Variants in SHROOM3 observed in about 807,000 individuals in gnomAD.
SHROOM3 encodes the protein shroom family member 3, also known as protein Shroom3.
Under a neutral mutation model 138.6 loss-of-function variants are expected in SHROOM3, and 47 were observed. That is an observed-to-expected ratio of 0.34 (90% CI 0.27 to 0.43). The LOEUF (loss-of-function observed/expected upper bound fraction) is 0.43, where lower values mean the gene tolerates loss of function less well. Ranked by LOEUF, SHROOM3 falls within the 20% of genes least tolerant of loss-of-function variation. The probability of loss-of-function intolerance (pLI) is 1.00; values close to 1 mark genes in which losing one functional copy is unlikely to be tolerated. For missense variants in SHROOM3, 2,491 were observed against 2,596.5 expected (o/e 0.96, Z 0.88); for synonymous variants, 1,062 against 1,063.3 (o/e 1.00, Z 0.02).
Position 76,581,833 on chromosome 4 carries a change from C to G in SHROOM3, c.323+26070C>G, listed in dbSNP as rs181853165. Among the ~76,000 whole-genome samples, 169 of 152,296 alleles carry G rather than the reference C, an allele frequency of 1.1e-3. 1 individual carries two copies. The highest frequency in any genetic ancestry group is 3.9e-3 in the African/African-American group (162 of 41,564). On this transcript the variant is annotated intron_variant, in intron 2 of 10. Coordinates refer to ENST00000296043, the MANE Select transcript of SHROOM3 (RefSeq NM_020859.4). The stretch of plus-strand genomic sequence containing the variant: ...ATTTGCAGAGTTGGGCTAAACTAAT[C>G]GTGAACCCCACGAAGTTCATTTACT...
chr4:76,485,748 T>C (rs1430183016), intron 1 of SHROOM3, among the ~76,000 whole-genome samples: 1 of 152,208 alleles, frequency 6.6e-6, no homozygotes. Context: ...AATAATGTGA[T>C]CAGGGGCTCT....
chr4:76,669,317 C>T (rs1282197847), intron 2 of SHROOM3, among the ~76,000 whole-genome samples: 4 of 151,862 alleles, frequency 2.6e-5, no homozygotes, highest in Non-Finnish European at 5.9e-5. Context: ...TACTCTAAAA[C>T]AAACAAAAAA....
intron 5 of SHROOM3, among the ~76,000 whole-genome samples, chr4:76,748,499 C>T (rs1016899064): frequency 1.3e-5 from 2 of 152,154 alleles, no homozygotes; most frequent in Non-Finnish European, 2.9e-5. Flanking sequence ...ATTGATCTCA[C>T]ATGTGAGTGA....
chr4:76,465,233 A>G (rs1731227766), intron 1 of SHROOM3, among the ~76,000 whole-genome samples: 1 of 152,200 alleles, frequency 6.6e-6, no homozygotes, highest in South Asian at 2.1e-4. Context: ...TAAAGTGTGC[A>G]CTTATCTAAG....
intron 3 of SHROOM3, among the ~76,000 whole-genome samples, chr4:76,718,360 G>GTA (rs60937088): frequency 0.17 from 25,572 of 152,042 alleles, 2,368 homozygotes; most frequent in East Asian, 0.33. Context: ...ATATTGGTAG[G>GTA]TAGGAATTGA....
Position 76,546,415 on chromosome 4 carries a change from TTC to T in SHROOM3, c.169-9192_169-9191del, listed in dbSNP as rs558395027. Among the ~76,000 whole-genome samples, 249 of 152,360 alleles carry T rather than the reference TTC, an allele frequency of 1.6e-3. 1 individual carries two copies. Among genetic ancestry groups the T allele is most frequent in the African/African-American group, 5.8e-3 (241 of 41,580 alleles). Reference sequence around the variant, plus strand: ...CACTCATTGCAACCCATGGAAATGTTTCTGTTTTAAAGTCCAGCATTTAGTTC... The same window carrying T: ...CACTCATTGCAACCCATGGAAATGTTTGTTTTAAAGTCCAGCATTTAGTTC... On this transcript the variant is annotated intron_variant, in intron 1 of 10. Coordinates refer to ENST00000296043, the MANE Select transcript of SHROOM3 (RefSeq NM_020859.4).
chr4:76,564,197 G>A (rs1307394323), intron 2 of SHROOM3, among the ~76,000 whole-genome samples: 1 of 152,208 alleles, frequency 6.6e-6, no homozygotes, highest in Non-Finnish European at 1.5e-5. Flanking sequence ...CCTGGGACAT[G>A]AGTACAAATC....
intron 1 of SHROOM3, among the ~76,000 whole-genome samples, chr4:76,459,118 T>C (rs1731089860): frequency 1.3e-5 from 2 of 152,228 alleles, no homozygotes; most frequent in Admixed American, 1.3e-4. Flanking sequence ...CCAGGAAGAA[T>C]AGGGATGTTT....
At chr4:76,469,483 G>A (rs1731321738) in intron 1 of SHROOM3, among the ~76,000 whole-genome samples, 3 of 151,512 alleles carry the variant, frequency 2.0e-5, no homozygotes, top group Non-Finnish European at 4.4e-5. Context: ...TTGAGACAGA[G>A]TCTCACTGTG....
intron 4 of SHROOM3, among the ~76,000 whole-genome samples, chr4:76,737,277 T>A (rs1380865045): frequency 3.9e-5 from 6 of 152,050 alleles, no homozygotes; most frequent in Middle Eastern, 6.8e-3. Flanking sequence ...TTTTTTTTTT[T>A]AAGTAATGAA....
chr4:76,502,677 T>C (rs1453524502), intron 1 of SHROOM3, among the ~76,000 whole-genome samples: 1 of 152,242 alleles, frequency 6.6e-6, no homozygotes, highest in East Asian at 1.9e-4. Context: ...TATCCTTACA[T>C]GGCTTTGTAT....
intron 1 of SHROOM3, among the ~76,000 whole-genome samples, chr4:76,529,678 C>T (rs531624835): frequency 2.0e-5 from 3 of 152,220 alleles, no homozygotes; most frequent in South Asian, 4.2e-4. Flanking sequence ...CCAAGATCCC[C>T]AAACCCATCT....
At chr4:76,443,047 A>G (rs1025747447) in intron 1 of SHROOM3, among the ~76,000 whole-genome samples, 4 of 152,252 alleles carry the variant, frequency 2.6e-5, no homozygotes, top group Non-Finnish European at 5.9e-5. Context: ...TGTCTTTCAT[A>G]TGCACATATG....
chr4:76,488,192 G>A (rs1438325424), intron 1 of SHROOM3, among the ~76,000 whole-genome samples: 1 of 151,942 alleles, frequency 6.6e-6, no homozygotes, highest in Non-Finnish European at 1.5e-5. Flanking sequence ...TTTTTTAAAG[G>A]GGGTTCACTA....
chr4:76,746,776 AT>A (rs1721446745), intron 5 of SHROOM3, among the ~76,000 whole-genome samples: 1 of 144,020 alleles, frequency 6.9e-6, no homozygotes, highest in South Asian at 2.2e-4. Context: ...TAGACTTTAG[AT>A]TTACATTATT....
At position 76,782,264 on chromosome 4, in the gene SHROOM3, A is replaced by G. The variant is rs962946131; in HGVS notation, c.*3087A>G. The stretch of plus-strand genomic sequence containing the variant: ...ATCTTTTCCTTTGCTCTATGGGAAC[A>G]TTTTAGGGTTTGTTTTGCACAGCTG... On this transcript the variant is annotated 3_prime_UTR_variant, in exon 11 of 11. Coordinates refer to ENST00000296043, the MANE Select transcript of SHROOM3 (RefSeq NM_020859.4). 2 of 152,182 alleles carry G rather than the reference A, an allele frequency of 1.3e-5. No individual in the cohort carries two copies. Among genetic ancestry groups the G allele is most frequent in the African/African-American group, 2.4e-5 (1 of 41,446 alleles). The allele number at this position is 152,182 out of a possible 1,614,324, so 9.4% of individuals were successfully genotyped here.
At position 76,735,854 on chromosome 4, in the gene SHROOM3, AAAAAAAAAAAAAAAATATAT is replaced by A. The variant is rs1482599088; in HGVS notation, c.588-2905_588-2886del. Among the ~76,000 whole-genome samples, 188 of 56,674 alleles carry A rather than the reference AAAAAAAAAAAAAAAATATAT, an allele frequency of 3.3e-3. 1 individual carries two copies. Among genetic ancestry groups the A allele is most frequent in the African/African-American group, 0.012 (177 of 15,066 alleles). The allele number at this position is 56,674 out of a possible 152,430, so 37.2% of individuals were successfully genotyped here. A position where few individuals can be genotyped will look rare whatever the true frequency, so the allele number is the denominator to read the frequency against. ...GACTCTATCTTAAAAAAAAAAAAAA[AAAAAAAAAAAAAAAATATAT>A]ATATATATATATATATATATATATA... On this transcript the variant is annotated intron_variant, in intron 4 of 10. Coordinates refer to ENST00000296043, the MANE Select transcript of SHROOM3 (RefSeq NM_020859.4).
At chr4:76,673,256 C>G (rs996346401) in intron 2 of SHROOM3, among the ~76,000 whole-genome samples, 1 of 152,156 alleles carries the variant, frequency 6.6e-6, no homozygotes. Context: ...CTATGAATCT[C>G]TATCAGACTT....
At chr4:76,627,748 C>T (rs1198956558) in intron 2 of SHROOM3, among the ~76,000 whole-genome samples, 2 of 151,550 alleles carry the variant, frequency 1.3e-5, no homozygotes, top group South Asian at 2.1e-4. Context: ...TCATCATGCA[C>T]TGCAGCCTTG....
Sources: allele counts gnomAD v4.1 joint callset (sites outside exome capture counted in the v4.1 genomes callset), GRCh38; gene constraint gnomAD v4.1.1; transcripts MANE v1.5; gene names NCBI Gene and HGNC (gene_info 2026-07-23, HGNC 2026-07-21).